The following HAPSTR1 variants were observed in gnomAD, a reference collection of about 807,000 sequenced individuals.
HAPSTR1 encodes HUWE1-associated protein modifying stress responses 1.
chr16:9,091,730 G>A, the HAPSTR1 span: 2 of 399,680 alleles, frequency 5.0e-6, no homozygotes, highest in African/African-American at 4.1e-5. Flanking sequence ...TGGGGAGGCC[G>A]CAGCGCCATG....
chr16:9,093,841 G>A, the HAPSTR1 span, among the ~76,000 whole-genome samples: 1 of 151,234 alleles, frequency 6.6e-6, no homozygotes, highest in Non-Finnish European at 1.5e-5. Flanking sequence ...ATTTGGGGTT[G>A]ATTTTTTTTT....
chr16:9,092,211 A>T, the HAPSTR1 span: 5 of 1,588,294 alleles, frequency 3.1e-6, no homozygotes, highest in Non-Finnish European at 4.3e-6. Flanking sequence ...GAGCACAAGC[A>T]GCAGAAGCTG....
At chr16:9,091,653 T>G in the HAPSTR1 span, 1 of 397,862 alleles carries the variant, frequency 2.5e-6, no homozygotes, top group Non-Finnish European at 4.4e-6. Flanking sequence ...TGCTCAGTCT[T>G]GGGGTGGGCT....
chr16:9,092,944 C>T, the HAPSTR1 span: 17 of 1,607,350 alleles, frequency 1.1e-5, no homozygotes, highest in African/African-American at 1.4e-5. Context: ...GCAGCCAGGA[C>T]TTTCTCTCTG....
the HAPSTR1 span, chr16:9,092,958 C>T: frequency 5.0e-6 from 8 of 1,607,496 alleles, no homozygotes; most frequent in South Asian, 5.5e-5. Flanking sequence ...CTCTCTGGGT[C>T]CCCTTCCAAA....
chr16:9,098,478 T>C, the HAPSTR1 span, among the ~76,000 whole-genome samples: 1 of 152,330 alleles, frequency 6.6e-6, no homozygotes, highest in African/African-American at 2.4e-5. Context: ...AACAGTTTTA[T>C]TTTGGCTGTG....
At chr16:9,092,424 G>A in the HAPSTR1 span, among the ~76,000 whole-genome samples, 7 of 151,958 alleles carry the variant, frequency 4.6e-5, no homozygotes, top group South Asian at 8.3e-4. Context: ...CCCCCTCCCC[G>A]CAAGATGGCG....
the HAPSTR1 span, among the ~76,000 whole-genome samples, chr16:9,095,420 T>A: frequency 0.039 from 5,991 of 152,224 alleles, 384 homozygotes; most frequent in African/African-American, 0.14. Flanking sequence ...GTTATAGTTC[T>A]GATTAAATAT....
the HAPSTR1 span, chr16:9,117,681 GGTAAAT>G: frequency 6.6e-6 from 1 of 152,476 alleles, no homozygotes; most frequent in Non-Finnish European, 1.5e-5. Flanking sequence ...CTTTCCTTAT[GGTAAAT>G]GTAAACATGT....
chr16:9,097,219 C>A, the HAPSTR1 span, among the ~76,000 whole-genome samples: 1 of 150,216 alleles, frequency 6.7e-6, no homozygotes. Flanking sequence ...GGATTACAGG[C>A]GTGAGCCACC....
At chr16:9,119,717 T>G in the HAPSTR1 span, 1 of 152,266 alleles carries the variant, frequency 6.6e-6, no homozygotes, top group Non-Finnish European at 1.5e-5. Flanking sequence ...GTCTGCAGTT[T>G]TGTTTTGGTC....
At chr16:9,092,459 G>A in the HAPSTR1 span, among the ~76,000 whole-genome samples, 1 of 152,084 alleles carries the variant, frequency 6.6e-6, no homozygotes, top group Non-Finnish European at 1.5e-5. Context: ...CCCGGGGTTG[G>A]GGGGACAGGC....
chr16:9,101,329 A>G, the HAPSTR1 span, among the ~76,000 whole-genome samples: 1 of 152,210 alleles, frequency 6.6e-6, no homozygotes, highest in Non-Finnish European at 1.5e-5. Flanking sequence ...AGAAATCAAA[A>G]TTATTGATTC....
the HAPSTR1 span, among the ~76,000 whole-genome samples, chr16:9,115,897 A>T: frequency 6.6e-6 from 1 of 152,218 alleles, no homozygotes; most frequent in African/African-American, 2.4e-5. Context: ...GGTGTGAGCC[A>T]CTGCGCCTGG....
At chr16:9,117,840 G>T in the HAPSTR1 span, 2 of 152,642 alleles carry the variant, frequency 1.3e-5, no homozygotes, top group Admixed American at 1.3e-4. Flanking sequence ...TTTTCATGGA[G>T]TCCCTGCTTA....
chr16:9,093,090 C>T, the HAPSTR1 span: 1 of 1,266,706 alleles, frequency 7.9e-7, no homozygotes, highest in Non-Finnish European at 1.1e-6. Flanking sequence ...TTTTCTGCTC[C>T]CCAGCCCAGC....
At chr16:9,103,428 T>C in the HAPSTR1 span, 1 of 667,092 alleles carries the variant, frequency 1.5e-6, no homozygotes, top group Middle Eastern at 4.2e-4. Flanking sequence ...TATGGGCGAT[T>C]TCTGTCAGCT....
At chr16:9,102,338 A>G in the HAPSTR1 span, among the ~76,000 whole-genome samples, 2 of 152,192 alleles carry the variant, frequency 1.3e-5, no homozygotes, top group Non-Finnish European at 2.9e-5. Context: ...AAAGGTAGAG[A>G]TCATTTTACC....
the HAPSTR1 span, among the ~76,000 whole-genome samples, chr16:9,097,851 C>T: frequency 6.6e-6 from 1 of 152,222 alleles, no homozygotes; most frequent in Admixed American, 6.5e-5. Context: ...CTTGCTTACC[C>T]ACAACCATTA....
Sources: gnomAD v4.1 joint callset for allele counts (sites outside exome capture counted in the v4.1 genomes callset) on GRCh38, gnomAD v4.1.1 for gene constraint, MANE v1.5 for transcripts, NCBI Gene and HGNC (gene_info 2026-07-23, HGNC 2026-07-21) for gene names.